Variants in ERICH3 observed in about 807,000 individuals in gnomAD.
The protein encoded by ERICH3 is glutamate-rich protein 3.
ERICH3 carries 126 observed loss-of-function variants against 131.1 expected under a neutral mutation model. The observed-to-expected ratio is 0.96, with a 90% CI of 0.83 to 1.11. The LOEUF is 1.11. Among genes scored for constraint, ERICH3 ranks in the 50% most tolerant of loss-of-function variants. The pLI is 0.00. For missense variants in ERICH3, 2,050 were observed against 1,810.7 expected, an observed-to-expected ratio of 1.13 and a Z score of -2.40; for synonymous variants, 695 against 644.6, an observed-to-expected ratio of 1.08 and a Z score of -1.18.
At chr1:74,658,830 T>C (rs1175607102) in intron 1 of ERICH3, among the ~76,000 whole-genome samples, 1 of 152,198 alleles carries the variant, frequency 6.6e-6, no homozygotes, top group African/African-American at 2.4e-5. Context: ...ACAAGTTGTT[T>C]ACTCACTATT....
chr1:74,572,276 C>T lies in ERICH3; in HGVS notation c.3434G>A (p.Gly1145Glu). Residue 1145 changes from glycine (G) to glutamate (E), a missense_variant, in exon 14 of 15, where the codon GGA (glycine) becomes GAA (glutamate). By Grantham distance (98) the Gly-to-Glu change is moderately conservative. Transcript: ENST00000326665. ...SELSDNPGLLGEDSLKETVVP... is the reference protein window; with the variant it reads ...SELSDNPGLLEEDSLKETVVP... ...CACTGTCTCTTTTAGTGAATCTTCT[C>T]CTAGAAGCCCTGGATTGTCAGACAA... 6.2e-6 allele frequency: 10 copies of T among 1,614,052 alleles called. No individual in the cohort carries two copies. The highest frequency in any genetic ancestry group is 8.5e-6 in the Non-Finnish European group (10 of 1,180,008).
chr1:74,667,664 A>G (rs696120), intron 1 of ERICH3, among the ~76,000 whole-genome samples: 100,670 of 152,054 alleles, frequency 0.66, 34,569 homozygotes, highest in East Asian at 0.97. Context: ...CCATCTCCCT[A>G]AAAACCTAGC....
chr1:74,644,680 C>T (rs750571470), intron 3 of ERICH3, among the ~76,000 whole-genome samples: 4 of 152,036 alleles, frequency 2.6e-5, no homozygotes, highest in Non-Finnish European at 4.4e-5. Context: ...TAGACAGCTG[C>T]GTCTCCCAGC....
At chr1:74,649,118 T>C (rs1367304945) in intron 2 of ERICH3, 104 bp downstream of exon 2, 1 of 727,556 alleles carries the variant, frequency 1.4e-6, no homozygotes, top group African/African-American at 1.8e-5. Context: ...TTTTCTAAAA[T>C]GAGGGCAAGT....
chr1:74,571,793 G>A lies in ERICH3; in HGVS notation c.3917C>T (p.Thr1306Ile). ...CGAGTTCCTGTCCTGCATCGCTTCT[G>A]TCTCCAGAGTGCACTCTTTGTCCTC... ...EEEDKECTLETEAMQDRNSEG... is the reference protein window; with the variant it reads ...EEEDKECTLEIEAMQDRNSEG... Residue 1306 changes from threonine to isoleucine, a missense_variant, in exon 14 of 15, where the codon ACA becomes ATA. By Grantham distance (89) the Thr-to-Ile change is moderately conservative. Coordinates refer to ENST00000326665, the MANE Select transcript of ERICH3 (RefSeq NM_001002912.5). 6.2e-7 allele frequency: 1 copy of A among 1,613,770 alleles called. No individual in the cohort carries two copies. The highest frequency in any genetic ancestry group is 1.3e-5 in the African/African-American group (1 of 75,008).
At position 74,631,815 on chromosome 1, in the gene ERICH3, G is replaced by A. The variant is rs137917442; in HGVS notation, c.717C>T (p.Pro239=). 7.9e-3 allele frequency: 12,803 copies of A among 1,613,438 alleles called. 107 individuals carry two copies. Among genetic ancestry groups the A allele is most frequent in the South Asian group, 0.03 (2,750 of 91,058 alleles). The part of the protein sequence containing the change: ...SYMMPIPPPL[P]PTGKITRENR... ...TTTCTCTTGTGATTTTCCCAGTTGG[G>A]GGAAGTGGAGGAGGAATAGGCATCA... The change falls in exon 7 of 15, where the codon CCC becomes CCT. Residue 239 remains proline (P), a synonymous_variant. Coordinates refer to ENST00000326665, the MANE Select transcript of ERICH3 (RefSeq NM_001002912.5).
intron 7 of ERICH3, chr1:74,624,288 C>CTATTCCTTG (rs1261674669): frequency 2.0e-5 from 3 of 152,160 alleles, no homozygotes; most frequent in African/African-American, 7.2e-5. Context: ...AAGATTGATA[C>CTATTCCTTG]AAAACCAGCC....
At chr1:74,582,087 C>A (rs1354200801) in intron 12 of ERICH3, among the ~76,000 whole-genome samples, 1 of 152,152 alleles carries the variant, frequency 6.6e-6, no homozygotes, top group East Asian at 1.9e-4. Context: ...TCTCTACCCA[C>A]CAGTGTAGCT....
At chr1:74,592,727 A>G (rs573790441) in intron 11 of ERICH3, among the ~76,000 whole-genome samples, 16 of 152,296 alleles carry the variant, frequency 1.1e-4, no homozygotes, top group African/African-American at 3.8e-4. Flanking sequence ...CGAAGTGGCC[A>G]GGGCACCTGA....
Position 74,612,853 on chromosome 1 carries a change from G to A in ERICH3, c.1001-44C>T, listed in dbSNP as rs371005379. The A allele has an allele frequency of 2.3e-5, 34 of 1,460,046 alleles. 1 individual carries two copies. The highest frequency in any genetic ancestry group is 1.8e-4 in the Middle Eastern group (1 of 5,608). The allele number at this position is 1,460,046 out of a possible 1,614,324, so 90.4% of individuals were successfully genotyped here. ...TACATTAGTGAAAGCAACTGACTTC[G>A]GACTAACATCTGTTAAATCATGTTT... On this transcript the variant is annotated intron_variant, in intron 8 of 14. Transcript: ENST00000326665.
In ERICH3 at chr1:74,572,785, A is replaced by C; in HGVS notation, c.2925T>G (p.Leu975=). 6.2e-7 allele frequency: 1 copy of C among 1,613,650 alleles called. No homozygotes were observed. The highest frequency in any genetic ancestry group is 8.5e-7 in the Non-Finnish European group (1 of 1,179,922). ...TCTCTTTGGCTGGTTCCTCTCCCCCAAGAATTGCCTCTTCAGAACCGTCCT... is the reference window on the plus strand; with the variant it reads ...TCTCTTTGGCTGGTTCCTCTCCCCCCAGAATTGCCTCTTCAGAACCGTCCT... ...KREDGSEEAI[L]GGEEPAKERK... The change falls in exon 14 of 15, where the codon CTT becomes CTG. Residue 975 remains leucine, a synonymous_variant. Transcript: ENST00000326665.
intron 5 of ERICH3, 45 bp from the exon 6 acceptor site, chr1:74,636,483 C>T: frequency 1.0e-5 from 16 of 1,552,210 alleles, no homozygotes; most frequent in Non-Finnish European, 1.2e-5. Flanking sequence ...AGTATCTTGA[C>T]ATGTTTCCAG....
At position 74,627,683 on chromosome 1, in the gene ERICH3, G is replaced by T. The variant is rs970435123; in HGVS notation, c.819+4030C>A. 4.6e-5 allele frequency among the ~76,000 whole-genome samples: 7 copies of T among 151,760 alleles called. 1 individual carries two copies. Among genetic ancestry groups the T allele is most frequent in the Admixed American group, 6.6e-5 (1 of 15,236 alleles). On this transcript the variant is annotated intron_variant, in intron 7 of 14. Transcript: ENST00000326665. ...CACACATACATATGTGTATATATAC[G>T]GTTGACCCTTGAACAACATGGGTCC...
At chr1:74,665,447 C>T (rs1160788422) in intron 1 of ERICH3, among the ~76,000 whole-genome samples, 1 of 152,156 alleles carries the variant, frequency 6.6e-6, no homozygotes, top group Non-Finnish European at 1.5e-5. Flanking sequence ...CTCATAAAAA[C>T]CACTTTCAGC....
chr1:74,617,047 C>A (rs1321585672), intron 8 of ERICH3, among the ~76,000 whole-genome samples: 3 of 151,812 alleles, frequency 2.0e-5, no homozygotes, highest in African/African-American at 7.3e-5. Flanking sequence ...AGAGTCCAGA[C>A]TAAAAAATAG....
chr1:74,589,573 C>G (rs766339093), intron 12 of ERICH3, 58 bp downstream of exon 12: 3 of 1,536,306 alleles, frequency 2.0e-6, no homozygotes, highest in Non-Finnish European at 2.7e-6. Flanking sequence ...AGTGCAATGA[C>G]CAAAATCAGC....
intron 1 of ERICH3, among the ~76,000 whole-genome samples, chr1:74,669,968 C>T (rs919635257): frequency 1.3e-5 from 2 of 152,120 alleles, no homozygotes; most frequent in Admixed American, 6.6e-5. Flanking sequence ...ATAGAAAAGC[C>T]TTCTCAGCTT....
At chr1:74,575,353 G>A (rs1376040004) in intron 13 of ERICH3, among the ~76,000 whole-genome samples, 1 of 152,136 alleles carries the variant, frequency 6.6e-6, no homozygotes, top group African/African-American at 2.4e-5. Context: ...AAAAATTTCA[G>A]GTCTATCAAT....
intron 7 of ERICH3, chr1:74,623,861 T>C (rs1037360307): frequency 7.2e-5 from 11 of 152,232 alleles, no homozygotes; most frequent in Non-Finnish European, 1.6e-4. Context: ...TTTCTCATGC[T>C]ACATTTAAAT....
Sources: gnomAD v4.1 joint callset for allele counts (sites outside exome capture counted in the v4.1 genomes callset) on GRCh38, gnomAD v4.1.1 for gene constraint, MANE v1.5 for transcripts, NCBI Gene and HGNC (gene_info 2026-07-23, HGNC 2026-07-21) for gene names.